Variants in SLC8A1 observed in about 807,000 individuals in gnomAD.
SLC8A1 encodes solute carrier family 8 member A1.
SLC8A1 carries 18 observed loss-of-function variants against 68.3 expected under a neutral mutation model. That is an observed-to-expected ratio of 0.26 (90% CI 0.18 to 0.39). The LOEUF is 0.39. Ranked by LOEUF, SLC8A1 falls within the 10% of genes least tolerant of loss-of-function variation. SLC8A1 has a pLI of 1.00. For synonymous variants in SLC8A1, 475 were observed against 415.5 expected (o/e 1.14, Z -1.74); for missense variants, 985 against 1,156.7 (o/e 0.85, Z 2.15).
intron 2 of SLC8A1, among the ~76,000 whole-genome samples, chr2:40,368,475 T>C (rs541078775): frequency 2.7e-3 from 404 of 152,186 alleles, no homozygotes; most frequent in Non-Finnish European, 3.9e-3. Flanking sequence ...TAAATTTTAT[T>C]GGGAGGAACT....
At chr2:40,486,982 A>G (rs1705011013) in intron 1 of SLC8A1, among the ~76,000 whole-genome samples, 1 of 150,904 alleles carries the variant, frequency 6.6e-6, no homozygotes, top group South Asian at 2.1e-4. Flanking sequence ...ATAGGTGGGA[A>G]CTGAACAATG....
At chr2:40,107,387 C>T (rs982944014) in exon 8 of SLC8A1, 1 of 151,196 alleles carries the variant, frequency 6.6e-6, no homozygotes, top group African/African-American at 2.4e-5. Context: ...GTTTTTAATT[C>T]CCCAGGGTTC....
Position 40,241,336 on chromosome 2 carries a change from T to C in SLC8A1, c.1809-63481A>G, listed in dbSNP as rs143427399. 3.3e-3 allele frequency among the ~76,000 whole-genome samples: 498 copies of C among 152,002 alleles called. 2 individuals carry two copies. The highest frequency in any genetic ancestry group is 0.011 in the African/African-American group (463 of 41,464). ...ACATAAACGTGGGTATAATAGACAC[T>C]CTGGACTACCTGGAATAGGGGGCAT... On this transcript the variant is annotated intron_variant, in intron 2 of 7. Coordinates refer to ENST00000406785, the Ensembl canonical transcript of SLC8A1.
chr2:40,352,261 AAGC>A (rs1671337535), intron 2 of SLC8A1, among the ~76,000 whole-genome samples: 1 of 152,218 alleles, frequency 6.6e-6, no homozygotes. Flanking sequence ...GGAATTAAAA[AAGC>A]AGAAGTTAAA....
intron 4 of SLC8A1, among the ~76,000 whole-genome samples, chr2:40,169,205 T>C (rs2047048610): frequency 6.6e-6 from 1 of 152,146 alleles, no homozygotes; most frequent in Admixed American, 6.5e-5. Context: ...ATTATCAAGA[T>C]CTCTACCTCA....
intron 1 of SLC8A1, among the ~76,000 whole-genome samples, chr2:40,446,138 C>G (rs1334437588): frequency 6.6e-6 from 1 of 152,146 alleles, no homozygotes; most frequent in Non-Finnish European, 1.5e-5. Flanking sequence ...AAATAAAAAC[C>G]ACCTACCCTA....
At chr2:40,490,906 A>G (rs1010430009) in intron 1 of SLC8A1, among the ~76,000 whole-genome samples, 1 of 152,110 alleles carries the variant, frequency 6.6e-6, no homozygotes, top group Non-Finnish European at 1.5e-5. Context: ...AAAGATCCGC[A>G]AATCAGGAAT....
rs142118787 is a variant in SLC8A1 at position 40,482,136 on chromosome 2, G to A, written c.-25+30213C>T. On this transcript the variant is annotated intron_variant, in intron 1 of 7. Transcript: ENST00000402441. ...TGATCCTCTTAACAAACTTTTAAGC[G>A]TGCAATAAGATATTGTTGACTATAG... Among the ~76,000 whole-genome samples, 1,091 of 152,164 alleles carry A rather than the reference G, an allele frequency of 7.2e-3. 16 individuals carry two copies. Among genetic ancestry groups the A allele is most frequent in the African/African-American group, 0.025 (1,037 of 41,494 alleles).
At chr2:40,182,914 G>A (rs996805867) in intron 2 of SLC8A1, among the ~76,000 whole-genome samples, 7 of 152,174 alleles carry the variant, frequency 4.6e-5, no homozygotes, top group African/African-American at 1.7e-4. Context: ...GGATGAAATG[G>A]AGGATTAAAG....
intron 1 of SLC8A1, among the ~76,000 whole-genome samples, chr2:40,433,518 G>A (rs923890940): frequency 1.3e-5 from 2 of 152,042 alleles, no homozygotes; most frequent in East Asian, 1.9e-4. Context: ...AGCCAGCATT[G>A]CTGTTATAAA....
chr2:40,397,832 G>A (rs902376635), intron 2 of SLC8A1, among the ~76,000 whole-genome samples: 1 of 152,124 alleles, frequency 6.6e-6, no homozygotes, highest in African/African-American at 2.4e-5. Context: ...TCTACAACTA[G>A]CTACATGACC....
At chr2:40,187,052 T>C (rs970773337) in intron 2 of SLC8A1, among the ~76,000 whole-genome samples, 1 of 152,200 alleles carries the variant, frequency 6.6e-6, no homozygotes, top group African/African-American at 2.4e-5. Flanking sequence ...AAGGAGCAAA[T>C]TGGCAGATGG....
At chr2:40,388,827 A>C (rs1301974930) in intron 2 of SLC8A1, among the ~76,000 whole-genome samples, 6 of 152,194 alleles carry the variant, frequency 3.9e-5, no homozygotes, top group Admixed American at 2.0e-4. Context: ...GTAGAATCCA[A>C]ATACCCAAAT....
At chr2:40,230,274 T>G (rs1184783442) in intron 2 of SLC8A1, among the ~76,000 whole-genome samples, 2 of 152,224 alleles carry the variant, frequency 1.3e-5, no homozygotes, top group East Asian at 3.8e-4. Flanking sequence ...ATAGAAATCC[T>G]TGGCTCCAAA....
intron 2 of SLC8A1, among the ~76,000 whole-genome samples, chr2:40,415,976 T>G (rs988817929): frequency 1.3e-5 from 2 of 148,756 alleles, no homozygotes; most frequent in African/African-American, 5.0e-5. Context: ...GCAGGAGAAT[T>G]GCTTGAACCC....
chr2:40,401,971 G>C (rs894563495), intron 2 of SLC8A1, among the ~76,000 whole-genome samples: 1 of 152,160 alleles, frequency 6.6e-6, no homozygotes, highest in African/African-American at 2.4e-5. Context: ...GTGTATAATT[G>C]TCAGAGGCAT....
intron 2 of SLC8A1, among the ~76,000 whole-genome samples, chr2:40,405,282 G>A (rs752988630): frequency 1.4e-4 from 21 of 152,156 alleles, no homozygotes; most frequent in Non-Finnish European, 2.8e-4. Context: ...AGAGTTAGAA[G>A]GAGACATACA....
intron 2 of SLC8A1, among the ~76,000 whole-genome samples, chr2:40,311,665 A>T (rs2073699110): frequency 6.6e-6 from 1 of 152,114 alleles, no homozygotes; most frequent in South Asian, 2.1e-4. Flanking sequence ...AAGTAGTGGA[A>T]TTATATAAGG....
intron 2 of SLC8A1, among the ~76,000 whole-genome samples, chr2:40,266,016 A>G (rs2065313475): frequency 6.6e-6 from 1 of 152,200 alleles, no homozygotes; most frequent in Admixed American, 6.6e-5. Flanking sequence ...TCTTCTATCA[A>G]ATCATACTAA....
Sources: gnomAD v4.1 joint callset for allele counts (sites outside exome capture counted in the v4.1 genomes callset) on GRCh38, gnomAD v4.1.1 for gene constraint, MANE v1.5 for transcripts, NCBI Gene and HGNC (gene_info 2026-07-23, HGNC 2026-07-21) for gene names.